The following OPCML variants were observed in gnomAD, a reference collection of about 807,000 sequenced individuals.
OPCML encodes opioid-binding protein/cell adhesion molecule.
Under a neutral mutation model 37.8 loss-of-function variants are expected in OPCML, and 13 were observed. The ratio of observed to expected loss-of-function variants is 0.34; its 90% confidence interval spans 0.22 to 0.55. The LOEUF is 0.55. OPCML is among the 20% of genes least tolerant of loss of function. The pLI, the probability that OPCML is intolerant of heterozygous loss-of-function variation, is 0.91. For missense variants in OPCML, 341 were observed against 435.6 expected (o/e 0.78, Z 1.93); for synonymous variants, 176 against 168.8 (o/e 1.04, Z -0.33).
In OPCML at chr11:133,239,323, T is replaced by C. The variant is rs899290553; in HGVS notation, c.61+292941A>G. ...CAACAACCTTGGAAATGAACAGTCTTAGCTCTTAAATTAGGTGTTCAGTCC... is the reference window on the plus strand; with the variant it reads ...CAACAACCTTGGAAATGAACAGTCTCAGCTCTTAAATTAGGTGTTCAGTCC... On this transcript the variant is annotated intron_variant, in intron 1 of 7. Coordinates refer to ENST00000524381, the MANE Select transcript of OPCML (RefSeq NM_001012393.5). Among the ~76,000 whole-genome samples the C allele has an allele frequency of 4.0e-4, 61 of 152,346 alleles. 1 individual carries two copies. The highest frequency in any genetic ancestry group is 4.6e-4 in the Admixed American group (7 of 15,312).
At chr11:132,910,336 C>T (rs1044904204) in intron 2 of OPCML, among the ~76,000 whole-genome samples, 3 of 152,226 alleles carry the variant, frequency 2.0e-5, no homozygotes, top group South Asian at 2.1e-4. Context: ...CCTGAAGCAA[C>T]GGCAGAGACC....
At position 132,443,025 on chromosome 11, in the gene OPCML, T is replaced by C. The variant is rs192339144; in HGVS notation, c.506-5666A>G. Among the ~76,000 whole-genome samples, 524 of 152,304 alleles carry C rather than the reference T, an allele frequency of 3.4e-3. 5 individuals carry two copies. Among genetic ancestry groups the C allele is most frequent in the African/African-American group, 0.012 (512 of 41,564 alleles). On this transcript the variant is annotated intron_variant, in intron 4 of 7. Transcript: ENST00000524381. ...AGGCAATCCCCATCTGGTTTCTCCA[T>C]TTGGAATGATTAAAAGTCACCTCTA...
At chr11:133,377,952 T>A (rs1166973167) in intron 1 of OPCML, among the ~76,000 whole-genome samples, 1 of 152,224 alleles carries the variant, frequency 6.6e-6, no homozygotes, top group Non-Finnish European at 1.5e-5. Flanking sequence ...CAGGGTGAGT[T>A]AGTTTTTCTG....
chr11:133,292,379 C>T (rs1460873281), intron 1 of OPCML, among the ~76,000 whole-genome samples: 1 of 152,146 alleles, frequency 6.6e-6, no homozygotes, highest in Non-Finnish European at 1.5e-5. Context: ...AACATTTCCA[C>T]TTGTTTCCCT....
At chr11:132,868,403 G>A (rs1212838991) in intron 2 of OPCML, among the ~76,000 whole-genome samples, 4 of 150,380 alleles carry the variant, frequency 2.7e-5, no homozygotes, top group Non-Finnish European at 4.4e-5. Flanking sequence ...GAATTATCAG[G>A]TGATTGAACC....
At chr11:132,584,835 G>T (rs1565685788) in intron 3 of OPCML, among the ~76,000 whole-genome samples, 1 of 152,214 alleles carries the variant, frequency 6.6e-6, no homozygotes, top group African/African-American at 2.4e-5. Context: ...AAGTGTCTCT[G>T]TGCCTGCCAC....
At chr11:132,868,296 ATTTTT>A (rs67534174) in intron 2 of OPCML, among the ~76,000 whole-genome samples, 29 of 77,482 alleles carry the variant, frequency 3.7e-4, no homozygotes, top group African/African-American at 1.3e-3. Context: ...TGAGGCTGTG[ATTTTT>A]TTTTTTTTTT....
At chr11:133,365,150 A>G (rs1487471358) in intron 1 of OPCML, among the ~76,000 whole-genome samples, 3 of 152,072 alleles carry the variant, frequency 2.0e-5, no homozygotes, top group Admixed American at 2.0e-4. Flanking sequence ...ATGTGCAGTC[A>G]GCAGAGTTAC....
intron 1 of OPCML, chr11:133,118,215 C>A: frequency 1.0e-6 from 1 of 985,160 alleles, no homozygotes; most frequent in Non-Finnish European, 1.2e-6. Context: ...CCTGTTCTTT[C>A]TGGGACTCTC....
intron 4 of OPCML, among the ~76,000 whole-genome samples, chr11:132,493,229 C>T (rs1468907690): frequency 6.6e-6 from 1 of 152,156 alleles, no homozygotes; most frequent in African/African-American, 2.4e-5. Flanking sequence ...GTGGAAGATG[C>T]CATGACTGCC....
At chr11:132,611,162 G>A (rs900782094) in intron 3 of OPCML, among the ~76,000 whole-genome samples, 1 of 152,180 alleles carries the variant, frequency 6.6e-6, no homozygotes, top group African/African-American at 2.4e-5. Context: ...TTTTTAACGG[G>A]GGTGGTTGCC....
At chr11:133,178,851 C>G (rs1007245755) in intron 1 of OPCML, among the ~76,000 whole-genome samples, 1 of 152,134 alleles carries the variant, frequency 6.6e-6, no homozygotes, top group Non-Finnish European at 1.5e-5. Context: ...TTTAAGCATG[C>G]AGGGCTTACA....
chr11:133,426,504 G>A (rs929919958), intron 1 of OPCML, among the ~76,000 whole-genome samples: 25 of 152,142 alleles, frequency 1.6e-4, no homozygotes, highest in African/African-American at 5.8e-4. Flanking sequence ...GGTTGAAGAC[G>A]CACTCATGAT....
chr11:133,209,138 G>C (rs2136336843), intron 1 of OPCML, among the ~76,000 whole-genome samples: 1 of 152,230 alleles, frequency 6.6e-6, no homozygotes, highest in Admixed American at 6.5e-5. Context: ...AATTACAGCT[G>C]TGATTAAATA....
intron 2 of OPCML, among the ~76,000 whole-genome samples, chr11:132,932,079 A>C (rs1945223434): frequency 6.6e-6 from 1 of 152,224 alleles, no homozygotes; most frequent in Non-Finnish European, 1.5e-5. Context: ...GTCAAAACAT[A>C]GAGACAGAAA....
At chr11:133,171,225 G>C (rs1350897837) in intron 1 of OPCML, among the ~76,000 whole-genome samples, 1 of 152,180 alleles carries the variant, frequency 6.6e-6, no homozygotes, top group Non-Finnish European at 1.5e-5. Context: ...ACCTCAAGAA[G>C]GTATTTCCAG....
intron 1 of OPCML, among the ~76,000 whole-genome samples, chr11:132,954,119 C>T (rs1352769377): frequency 9.7e-6 from 1 of 103,032 alleles, no homozygotes; most frequent in Non-Finnish European, 2.1e-5. Context: ...AACATTCTTT[C>T]TTGGGTTTTT....
At chr11:133,268,977 C>T (rs1365481718) in intron 1 of OPCML, among the ~76,000 whole-genome samples, 1 of 152,146 alleles carries the variant, frequency 6.6e-6, no homozygotes, top group Non-Finnish European at 1.5e-5. Flanking sequence ...CATGTTTTTG[C>T]ACAATTCTAG....
intron 1 of OPCML, among the ~76,000 whole-genome samples, chr11:132,982,601 A>C (rs1946610971): frequency 6.6e-6 from 1 of 151,608 alleles, no homozygotes; most frequent in African/African-American, 2.4e-5. Context: ...AGGCAAGGGG[A>C]GCTGGGTTCT....
Sources: allele counts gnomAD v4.1 joint callset (sites outside exome capture counted in the v4.1 genomes callset), GRCh38; gene constraint gnomAD v4.1.1; transcripts MANE v1.5; gene names NCBI Gene and HGNC (gene_info 2026-07-23, HGNC 2026-07-21).